Variants in PGD observed in about 807,000 individuals in gnomAD.
PGD encodes the protein phosphogluconate dehydrogenase, also known as 6-phosphogluconate dehydrogenase, decarboxylating.
A neutral mutation model predicts 60.4 loss-of-function variants in PGD; 21 were observed. The observed-to-expected ratio is 0.35, with a 90% CI of 0.25 to 0.50. PGD has a LOEUF of 0.50. PGD is among the 20% of genes least tolerant of loss of function. The pLI, the probability that PGD is intolerant of heterozygous loss-of-function variation, is 0.98. For synonymous variants in PGD, 230 were observed against 235.9 expected (o/e 0.97, Z 0.23); for missense variants, 477 against 613.1 (o/e 0.78, Z 2.34).
chr1:10,410,891 G>A (rs1487836467), intron 6 of PGD, among the ~76,000 whole-genome samples: 1 of 151,636 alleles, frequency 6.6e-6, no homozygotes, highest in Non-Finnish European at 1.5e-5. Flanking sequence ...GCCTTGGAGG[G>A]ACTCCTTTCT....
chr1:10,404,339 T>C, intron 5 of PGD, 60 bp downstream of exon 5: 2 of 1,092,492 alleles, frequency 1.8e-6, no homozygotes, highest in Non-Finnish European at 2.7e-6. Context: ...TGAGAACGAA[T>C]AAGCCAGGAG....
chr1:10,411,376 C>G, intron 6 of PGD, 42 bp from the exon 7 acceptor site: 1 of 1,610,132 alleles, frequency 6.2e-7, no homozygotes. Context: ...TGATGTGTCG[C>G]CTGTTTCTCT....
chr1:10,407,434 A>G (rs1414259144), intron 5 of PGD, among the ~76,000 whole-genome samples: 2 of 152,058 alleles, frequency 1.3e-5, no homozygotes, highest in Admixed American at 1.3e-4. Flanking sequence ...TGGGCAACAG[A>G]GTGAGACCCT....
chr1:10,410,927 T>A (rs926402355), intron 6 of PGD, among the ~76,000 whole-genome samples: 2 of 151,926 alleles, frequency 1.3e-5, no homozygotes, highest in African/African-American at 4.8e-5. Flanking sequence ...AGACCTTGGA[T>A]CTAGGGTCAT....
chr1:10,401,663 G>A (rs1032902845), intron 3 of PGD, among the ~76,000 whole-genome samples: 10 of 152,242 alleles, frequency 6.6e-5, no homozygotes, highest in African/African-American at 1.2e-4. Context: ...TTATTCTTCA[G>A]TATAGGAAAA....
intron 8 of PGD, 124 bp downstream of exon 8, chr1:10,413,375 GC>G: frequency 1.3e-6 from 1 of 775,664 alleles, no homozygotes; most frequent in East Asian, 2.7e-5. Context: ...AGTGCCTTTT[GC>G]TCTTTCTTGC....
At chr1:10,400,044 GT>G in intron 2 of PGD, 1 of 458,442 alleles carries the variant, frequency 2.2e-6, no homozygotes, top group Non-Finnish European at 4.0e-6. Flanking sequence ...GAGTGAAAAT[GT>G]TTCTTCTAAA....
At chr1:10,400,027 C>T (rs1639288886) in intron 2 of PGD, 1 of 451,818 alleles carries the variant, frequency 2.2e-6, no homozygotes. Context: ...CTGATGAGAT[C>T]TGGGGAGAGT....
chr1:10,400,897 G>C (rs1207799975), intron 3 of PGD, among the ~76,000 whole-genome samples: 1 of 152,110 alleles, frequency 6.6e-6, no homozygotes, highest in Non-Finnish European at 1.5e-5. Flanking sequence ...TTCGAGACCA[G>C]CCTGGGCAAC....
At chr1:10,416,525 A>C (rs1000240584) in intron 8 of PGD, among the ~76,000 whole-genome samples, 5 of 152,152 alleles carry the variant, frequency 3.3e-5, no homozygotes, top group African/African-American at 1.2e-4. Flanking sequence ...GGTAATTTTC[A>C]TGCGCATCCG....
intron 9 of PGD, 108 bp downstream of exon 9, chr1:10,417,225 A>C: frequency 6.8e-7 from 1 of 1,465,646 alleles, no homozygotes; most frequent in South Asian, 1.2e-5. Flanking sequence ...GGTGGAATGA[A>C]GTTCAGCCTT....
intron 7 of PGD, 130 bp downstream of exon 7, chr1:10,411,682 G>A (rs1318681584): frequency 2.0e-6 from 2 of 982,024 alleles, no homozygotes; most frequent in Middle Eastern, 2.1e-4. Flanking sequence ...CCTAATTTGA[G>A]GGAAACTGTT....
Position 10,413,182 on chromosome 1 carries a change from G to A in PGD, c.775G>A (p.Gly259Arg). The A allele has an allele frequency of 6.2e-7, 1 of 1,614,174 alleles. No individual in the cohort carries two copies. The highest frequency in any genetic ancestry group is 8.5e-7 in the Non-Finnish European group (1 of 1,180,030). Residue 259 changes from glycine (G) to arginine (R), a missense_variant, in exon 8 of 13, where the codon GGG becomes AGG. Around this residue, in one of 3 missense-constraint regions of PGD, gnomAD observed 431 missense variants for 556.6 expected, o/e 0.77. Transcript: ENST00000270776. Reference protein sequence around the residue: ...HLLPKIRDSAGQKGTGKWTAI... With the variant: ...HLLPKIRDSARQKGTGKWTAI... ...GCTGCCAAAGATCAGGGACAGCGCG[G>A]GGCAGAAGGGCACAGGGAAGTGGAC...
chr1:10,417,629 C>A, intron 10 of PGD, 120 bp downstream of exon 10: 1 of 914,118 alleles, frequency 1.1e-6, no homozygotes, highest in Non-Finnish European at 1.6e-6. Context: ...CATCACTGGA[C>A]ACTGGCACAA....
Position 10,404,126 on chromosome 1 carries a change from T to C in PGD, c.331-35T>C, listed in dbSNP as rs779712037. 1.9e-5 allele frequency: 27 copies of C among 1,405,000 alleles called. No individual in the cohort carries two copies. The South Asian group carries it at 3.2e-4, about 16-fold the overall frequency. 87.0% of individuals were successfully genotyped at this position (1,405,000 alleles called of 1,614,324 possible). A position where few individuals can be genotyped will look rare whatever the true frequency, so the allele number is the denominator to read the frequency against. On this transcript the variant is annotated intron_variant, in intron 4 of 12. Coordinates refer to ENST00000270776, the MANE Select transcript of PGD (RefSeq NM_002631.4). ...TGAAACATGGAAGCATAATGAAACA[T>C]GGAAGCATAATGAAATTATTTTTCT...
intron 6 of PGD, among the ~76,000 whole-genome samples, chr1:10,410,067 G>A (rs1639474672): frequency 6.6e-6 from 1 of 152,146 alleles, no homozygotes. Flanking sequence ...GGCTGAAGTG[G>A]CAGGAAGGGT....
intron 2 of PGD, among the ~76,000 whole-genome samples, chr1:10,400,173 C>A (rs41274476): frequency 2.2e-3 from 336 of 152,346 alleles, no homozygotes; most frequent in Non-Finnish European, 4.1e-3. Context: ...CTACCTGACA[C>A]ACCGGGGGTA....
chr1:10,403,074 C>T lies in PGD; in HGVS notation c.268C>T (p.Pro90Ser), dbSNP rs954229791. ...TAATGCTGGTGTCTGGTTACAGGTA[C>T]CATTGTTGGATACTGGTGACATCAT... is the stretch of plus-strand genomic sequence containing the variant. ...AVDDFIEKLV[P>S]LLDTGDIIID... Residue 90 changes from proline to serine, a missense_variant, in exon 4 of 13, where the codon CCA becomes TCA. Physicochemically the swap from Pro to Ser is moderately conservative, Grantham distance 74 (BLOSUM62 -1). Coordinates refer to ENST00000270776, the MANE Select transcript of PGD (RefSeq NM_002631.4). The T allele has an allele frequency of 3.1e-6, 5 of 1,604,500 alleles. No homozygotes were observed. Among genetic ancestry groups the T allele is most frequent in the Middle Eastern group, 1.7e-4 (1 of 5,948 alleles).
intron 3 of PGD, among the ~76,000 whole-genome samples, chr1:10,401,503 G>A (rs1221931121): frequency 6.6e-6 from 1 of 152,148 alleles, no homozygotes; most frequent in Non-Finnish European, 1.5e-5. Flanking sequence ...TTTCCACAGG[G>A]AGAAGGATTT....
Sources: gnomAD v4.1 joint callset for allele counts (sites outside exome capture counted in the v4.1 genomes callset) on GRCh38, gnomAD v4.1.1 for gene constraint, gnomAD v4.1.1 regional missense constraint, MANE v1.5 for transcripts, NCBI Gene and HGNC (gene_info 2026-07-23, HGNC 2026-07-21) for gene names.